Variants in ANKFN1 observed in about 807,000 individuals in gnomAD.
The protein encoded by ANKFN1 is ankyrin repeat and fibronectin type III domain containing 1.
ANKFN1 carries 74 observed loss-of-function variants against 108.7 expected under a neutral mutation model. That is an observed-to-expected ratio of 0.68 (90% CI 0.56 to 0.83). The LOEUF (loss-of-function observed/expected upper bound fraction) is 0.83. Among genes scored for constraint, ANKFN1 ranks in the 40% least tolerant of loss-of-function variants. The pLI is 0.00. For missense variants in ANKFN1, 1,505 were observed against 1,382.3 expected (o/e 1.09, Z -1.41); for synonymous variants, 547 against 516.2 (o/e 1.06, Z -0.81).
chr17:56,419,177 A>G (rs2048326260), intron 8 of ANKFN1, among the ~76,000 whole-genome samples: 1 of 152,218 alleles, frequency 6.6e-6, no homozygotes, highest in Non-Finnish European at 1.5e-5. Flanking sequence ...TGGCCCTGCC[A>G]TGATGTTAAG....
At chr17:56,116,115 A>G (rs1365661769) in intron 4 of ANKFN1, among the ~76,000 whole-genome samples, 1 of 152,164 alleles carries the variant, frequency 6.6e-6, no homozygotes, top group East Asian at 1.9e-4. Context: ...GTCCCCAGGT[A>G]GAACCGAGCA....
At chr17:56,427,359 C>T (rs1049668194) in intron 8 of ANKFN1, among the ~76,000 whole-genome samples, 1 of 152,082 alleles carries the variant, frequency 6.6e-6, no homozygotes, top group Non-Finnish European at 1.5e-5. Flanking sequence ...TAACATGAAC[C>T]AGGCTCCAGT....
chr17:56,479,609 G>A (rs1598691878), intron 16 of ANKFN1, among the ~76,000 whole-genome samples: 1 of 152,320 alleles, frequency 6.6e-6, no homozygotes, highest in African/African-American at 2.4e-5. Context: ...TTCTAAGAGG[G>A]TAGTTAGTTA....
intron 8 of ANKFN1, among the ~76,000 whole-genome samples, chr17:56,410,200 C>A (rs544703552): frequency 6.6e-6 from 1 of 152,248 alleles, no homozygotes; most frequent in East Asian, 1.9e-4. Flanking sequence ...ATTCTCCTCC[C>A]GAGTAACTGG....
intron 4 of ANKFN1, among the ~76,000 whole-genome samples, chr17:56,052,082 A>G (rs1352368518): frequency 1.3e-5 from 2 of 151,278 alleles, no homozygotes; most frequent in African/African-American, 2.4e-5. Flanking sequence ...TAAAGTTCAT[A>G]TGGAACCAAA....
At chr17:56,150,659 A>T (rs930576684), upstream of ANKFN1, among the ~76,000 whole-genome samples, 1 of 152,060 alleles carries the variant, frequency 6.6e-6, no homozygotes, top group African/African-American at 2.4e-5. Context: ...TCTCTTCCCA[A>T]AATGCTCAGC....
chr17:56,373,409 C>T (rs1353131425), intron 7 of ANKFN1, among the ~76,000 whole-genome samples: 1 of 152,176 alleles, frequency 6.6e-6, no homozygotes, highest in Non-Finnish European at 1.5e-5. Context: ...GGATAATACT[C>T]ATTAGCACTG....
rs1256996167 is a variant in ANKFN1, at chr17:56,374,641, C to G, written c.837C>G (p.Thr279=). 1 of 1,613,802 alleles carries G rather than the reference C, an allele frequency of 6.2e-7. No homozygotes were observed. The highest frequency in any genetic ancestry group is 2.2e-5 in the East Asian group (1 of 44,880). The change falls in exon 8 of 21, where the codon ACC becomes ACG. Residue 279 remains threonine (T), a synonymous_variant. Coordinates refer to ENST00000682825, the MANE Select transcript of ANKFN1 (RefSeq NM_001370326.1). The part of the protein sequence containing the change: ...EMPTNVCLMV[T]SSTSLTVSFQ... ...CAACCAATGTCTGTCTCATGGTAACCAGCAGCACATCACTCACTGTCAGCT... is the reference window on the plus strand; with the variant it reads ...CAACCAATGTCTGTCTCATGGTAACGAGCAGCACATCACTCACTGTCAGCT...
chr17:56,497,286 C>T (rs1284706726), intron 19 of ANKFN1, among the ~76,000 whole-genome samples: 2 of 152,150 alleles, frequency 1.3e-5, no homozygotes, highest in East Asian at 1.9e-4. Context: ...CATGGGCCTG[C>T]CTACTGCTGA....
chr17:56,265,608 T>G (rs1311657961), intron 3 of ANKFN1, among the ~76,000 whole-genome samples: 1 of 152,170 alleles, frequency 6.6e-6, no homozygotes, highest in African/African-American at 2.4e-5. Context: ...AAGCCAAGTA[T>G]AGGACTGTAC....
At chr17:56,446,004 C>T (rs1251141576) in intron 10 of ANKFN1, among the ~76,000 whole-genome samples, 1 of 152,284 alleles carries the variant, frequency 6.6e-6, no homozygotes, top group East Asian at 1.9e-4. Flanking sequence ...AATTTTCTCC[C>T]TCATCCCTAA....
chr17:56,449,211 C>A (rs1338466175), intron 11 of ANKFN1, 25 bp downstream of exon 11: 1 of 1,594,886 alleles, frequency 6.3e-7, no homozygotes, highest in African/African-American at 1.3e-5. Flanking sequence ...CTGTGCTGGG[C>A]CATCAACTGA....
At chr17:56,454,372 AATGATAGGCTTTGTTTC>A (rs2049609236) in intron 11 of ANKFN1, among the ~76,000 whole-genome samples, 1 of 152,184 alleles carries the variant, frequency 6.6e-6, no homozygotes, top group Non-Finnish European at 1.5e-5. Context: ...TCAGAATATT[AATGATAGGCTTTGTTTC>A]ATTTTATATT....
chr17:56,467,791 G>GAAAGAAA (rs11414270), intron 15 of ANKFN1, among the ~76,000 whole-genome samples: 123 of 55,026 alleles, frequency 2.2e-3, no homozygotes, highest in African/African-American at 6.2e-3. Flanking sequence ...AAGAAAGAAA[G>GAAAGAAA]AAGAAAGAAA....
At chr17:56,321,691 G>C (rs17759604) in intron 3 of ANKFN1, among the ~76,000 whole-genome samples, 3,626 of 152,248 alleles carry the variant, frequency 0.024, 64 homozygotes, top group South Asian at 0.037. Context: ...GCCTAATTTT[G>C]CAAGTATTCT....
Position 56,350,874 on chromosome 17 carries a change from C to T in ANKFN1, c.297C>T (p.Asn99=). The T allele has an allele frequency of 1.2e-6, 2 of 1,613,804 alleles. No homozygotes were observed. The highest frequency in any genetic ancestry group is 1.7e-5 in the Admixed American group (1 of 59,960). ...SPNAAKRLYR[N]LSEKLKGSHS... ...ACGCAGCCAAACGCCTGTACAGGAA[C>T]CTCTCTGAGAAACTGAAAGGGAGCC... is the stretch of plus-strand genomic sequence containing the variant. Residue 99 remains asparagine, a synonymous_variant, in exon 5 of 21, where the codon AAC becomes AAT. Transcript: ENST00000682825.
chr17:56,079,697 G>GT (rs1348848810), intron 4 of ANKFN1, among the ~76,000 whole-genome samples: 1 of 152,180 alleles, frequency 6.6e-6, no homozygotes, highest in Non-Finnish European at 1.5e-5. Context: ...CAGATAAAGA[G>GT]TTTGGGGCCA....
chr17:56,054,984 T>C (rs1171825129), intron 4 of ANKFN1, among the ~76,000 whole-genome samples: 2 of 152,094 alleles, frequency 1.3e-5, no homozygotes, highest in Non-Finnish European at 2.9e-5. Context: ...CATAACATTT[T>C]TGTTCATCGT....
intron 3 of ANKFN1, among the ~76,000 whole-genome samples, chr17:56,244,735 A>G (rs891126059): frequency 6.6e-6 from 1 of 152,136 alleles, no homozygotes; most frequent in Non-Finnish European, 1.5e-5. Flanking sequence ...CCAGCAGGGT[A>G]TAGAGCGTAA....
Sources: gnomAD v4.1 joint callset for allele counts (sites outside exome capture counted in the v4.1 genomes callset) on GRCh38, gnomAD v4.1.1 for gene constraint, MANE v1.5 for transcripts, NCBI Gene and HGNC (gene_info 2026-07-23, HGNC 2026-07-21) for gene names.